The following SUFU variants were observed in gnomAD, a reference collection of about 807,000 sequenced individuals.
The protein encoded by SUFU is SUFU negative regulator of hedgehog signaling, also known as suppressor of fused homolog.
Under a neutral mutation model 58.9 loss-of-function variants are expected in SUFU, and 7 were observed. That is an observed-to-expected ratio of 0.12 (90% confidence interval 0.07 to 0.22). SUFU has a LOEUF of 0.22. Among genes scored for constraint, SUFU ranks in the 10% least tolerant of loss-of-function variants. The pLI is 1.00. For synonymous variants in SUFU, 232 were observed against 254.8 expected (o/e 0.91, Z 0.85); for missense variants, 451 against 641.3 (o/e 0.70, Z 3.20).
intron 8 of SUFU, among the ~76,000 whole-genome samples, chr10:102,601,495 G>T (rs1050051217): frequency 2.6e-5 from 4 of 152,292 alleles, no homozygotes; most frequent in Non-Finnish European, 5.9e-5. Flanking sequence ...CTTCCTGAAG[G>T]TTTAGTGCCC....
intron 3 of SUFU, among the ~76,000 whole-genome samples, chr10:102,555,106 A>G (rs1388364569): frequency 6.6e-6 from 1 of 151,976 alleles, no homozygotes; most frequent in Non-Finnish European, 1.5e-5. Context: ...GTCTCTACTA[A>G]AAATAAAAAA....
Position 102,628,889 on chromosome 10 carries a change from C to T in SUFU, c.1366-1177C>T, listed in dbSNP as rs1449090814. Among the ~76,000 whole-genome samples, 18 of 152,092 alleles carry T rather than the reference C, an allele frequency of 1.2e-4. No homozygotes were observed. The highest frequency in any genetic ancestry group is 1.2e-3 in the Admixed American group (18 of 15,270). On this transcript the variant is annotated intron_variant, in intron 11 of 11. Transcript: ENST00000369902. This position sits in a 1 kb window ranked among gnomAD's most constrained non-coding sequence, Gnocchi z 4.5. The stretch of plus-strand genomic sequence containing the variant: ...ACAGACCCTGGGCCGGGCGCAGTGA[C>T]TCATGTCTGTAATCCCAGCACTTTG...
chr10:102,526,673 G>T (rs886777187), intron 2 of SUFU, among the ~76,000 whole-genome samples: 1 of 152,186 alleles, frequency 6.6e-6, no homozygotes, highest in African/African-American at 2.4e-5. Context: ...CTTCCTTGAA[G>T]ATTTGAACTG....
At chr10:102,537,866 A>G (rs967819783) in intron 2 of SUFU, among the ~76,000 whole-genome samples, 3 of 152,216 alleles carry the variant, frequency 2.0e-5, no homozygotes, top group African/African-American at 4.8e-5. Flanking sequence ...GAACATCAGT[A>G]TACAAATTTC....
chr10:102,540,405 C>T (rs1040967037), intron 2 of SUFU, among the ~76,000 whole-genome samples: 3 of 152,158 alleles, frequency 2.0e-5, no homozygotes, highest in African/African-American at 7.2e-5. Flanking sequence ...AATCCCAGCA[C>T]TTTGGGAGGC....
intron 10 of SUFU, chr10:102,618,426 TCAGGC>T (rs978952403): frequency 1.3e-5 from 2 of 152,680 alleles, no homozygotes; most frequent in Non-Finnish European, 2.9e-5. Flanking sequence ...TTCTCCTCCT[TCAGGC>T]CAGGCCCCTC....
chr10:102,537,559 C>T (rs550755095), intron 2 of SUFU, among the ~76,000 whole-genome samples: 10 of 152,186 alleles, frequency 6.6e-5, no homozygotes, highest in Admixed American at 2.0e-4. Context: ...ATAACTCCCC[C>T]TTCTCACTTC....
intron 8 of SUFU, among the ~76,000 whole-genome samples, chr10:102,601,335 A>G (rs2135893763): frequency 6.6e-6 from 1 of 152,158 alleles, no homozygotes; most frequent in East Asian, 1.9e-4. Context: ...CTCAGCCTAC[A>G]CCCTAACTGG....
intron 2 of SUFU, among the ~76,000 whole-genome samples, chr10:102,533,715 C>G (rs931003217): frequency 6.6e-6 from 1 of 152,216 alleles, no homozygotes; most frequent in African/African-American, 2.4e-5. Flanking sequence ...TCACATCTCT[C>G]TGATCTTTTA....
In SUFU at chr10:102,509,315, C is replaced by G. The variant is rs772984831; in HGVS notation, c.317+12C>G. The G allele has an allele frequency of 6.2e-7, 1 of 1,613,742 alleles. No homozygotes were observed. Among genetic ancestry groups the G allele is most frequent in the Non-Finnish European group, 8.5e-7 (1 of 1,179,998 alleles). ...AACAGAGTCCATGAGTGAGTATATG[C>G]CACCTGTTCTTTATCCAGAGCCTTA... On this transcript the variant is annotated intron_variant, in intron 2 of 11. Coordinates refer to ENST00000369902, the MANE Select transcript of SUFU (RefSeq NM_016169.4).
intron 10 of SUFU, among the ~76,000 whole-genome samples, chr10:102,618,891 G>T (rs556062013): frequency 1.1e-3 from 167 of 151,416 alleles, no homozygotes; most frequent in Non-Finnish European, 1.7e-3. Flanking sequence ...ACAAGCCCCT[G>T]AGAGTTCACA....
At chr10:102,537,264 G>GGGACCACAGCTGCACACCACCAT (rs1183623658) in intron 2 of SUFU, among the ~76,000 whole-genome samples, 3 of 151,436 alleles carry the variant, frequency 2.0e-5, no homozygotes, top group Non-Finnish European at 4.4e-5. Flanking sequence ...CCGAGTAGCT[G>GGGACCACAGCTGCACACCACCAT]GGACCACAGC....
chr10:102,506,214 A>G (rs1047342194), intron 1 of SUFU, among the ~76,000 whole-genome samples: 1 of 152,198 alleles, frequency 6.6e-6, no homozygotes, highest in Non-Finnish European at 1.5e-5. Flanking sequence ...AAGCATGTGC[A>G]AAGGACTAAG....
chr10:102,519,264 C>T (rs1010819959), intron 2 of SUFU, among the ~76,000 whole-genome samples: 2 of 151,764 alleles, frequency 1.3e-5, no homozygotes, highest in Admixed American at 6.6e-5. Context: ...GTGGCTCACT[C>T]GTGTAATCCC....
At position 102,631,531 on chromosome 10, in the gene SUFU, T is replaced by C; in HGVS notation, c.*1376T>C. ...AACTCTAGGGATGGGACTGTTACAA[T>C]ACTTCAAGATCACTCTTTACACCTC... On this transcript the variant is annotated 3_prime_UTR_variant, in exon 12 of 12. Coordinates refer to ENST00000369902, the MANE Select transcript of SUFU (RefSeq NM_016169.4). 4.3e-6 allele frequency: 1 copy of C among 233,472 alleles called. No individual in the cohort carries two copies. Among genetic ancestry groups the C allele is most frequent in the East Asian group, 6.0e-5 (1 of 16,584 alleles). The allele number at this position is 233,472 out of a possible 1,614,324, so 14.5% of individuals were successfully genotyped here.
intron 3 of SUFU, among the ~76,000 whole-genome samples, chr10:102,553,707 C>T (rs1373078912): frequency 6.6e-6 from 1 of 152,188 alleles, no homozygotes; most frequent in Non-Finnish European, 1.5e-5. Flanking sequence ...TCGTGATCCG[C>T]CCGCCTCAGC....
Position 102,630,453 on chromosome 10 carries a change from C to T in SUFU, c.*298C>T. On this transcript the variant is annotated 3_prime_UTR_variant, in exon 12 of 12. Transcript: ENST00000369902. Reference sequence around the variant, plus strand: ...GCACAGATTCTGGTTTGAGGTTTGACTCTGGACCCTGGCTGTGCCCCTAGG... The same window carrying T: ...GCACAGATTCTGGTTTGAGGTTTGATTCTGGACCCTGGCTGTGCCCCTAGG... The T allele has an allele frequency of 2.1e-6, 1 of 485,914 alleles. No individual in the cohort carries two copies. Among genetic ancestry groups the T allele is most frequent in the South Asian group, 2.0e-5 (1 of 48,968 alleles). The allele number at this position is 485,914 out of a possible 1,614,324, so 30.1% of individuals were successfully genotyped here.
rs916163696 is a variant in SUFU at position 102,511,649 on chromosome 10, T to G, written c.317+2346T>G. 1.1e-4 allele frequency among the ~76,000 whole-genome samples: 17 copies of G among 152,282 alleles called. 1 individual carries two copies. In the East Asian group the frequency reaches 3.3e-3, roughly 29 times the overall value. Reference sequence around the variant, plus strand: ...TGAGGGGTTAAATGAATTGCTAAAGTTACAGATCTAGGGGTAAAAGAGCTG... The same window carrying G: ...TGAGGGGTTAAATGAATTGCTAAAGGTACAGATCTAGGGGTAAAAGAGCTG... On this transcript the variant is annotated intron_variant, in intron 2 of 11. Coordinates refer to ENST00000369902, the MANE Select transcript of SUFU (RefSeq NM_016169.4).
intron 3 of SUFU, among the ~76,000 whole-genome samples, chr10:102,585,995 C>A (rs2063332199): frequency 6.6e-6 from 1 of 151,224 alleles, no homozygotes; most frequent in East Asian, 2.0e-4. Flanking sequence ...AACAATTCTC[C>A]TGTCTCAACC....
Sources: allele counts gnomAD v4.1 joint callset (sites outside exome capture counted in the v4.1 genomes callset), GRCh38; gene constraint gnomAD v4.1.1; non-coding constraint Gnocchi (gnomAD v3.1); transcripts MANE v1.5; gene names NCBI Gene and HGNC (gene_info 2026-07-23, HGNC 2026-07-21).